The following CCDC91 variants were observed in gnomAD, a reference collection of about 807,000 sequenced individuals.
CCDC91 encodes the protein coiled-coil domain containing 91.
In CCDC91, 48 loss-of-function variants were observed where a neutral mutation model predicts 63.2. The observed-to-expected ratio is 0.76, with a 90% CI of 0.60 to 0.97. CCDC91 has a LOEUF of 0.97. Among genes scored for constraint, CCDC91 ranks in the 50% least tolerant of loss-of-function variants. CCDC91 has a pLI of 0.00. For missense variants in CCDC91, 500 were observed against 494.6 expected, an observed-to-expected ratio of 1.01 and a Z score of -0.10; for synonymous variants, 167 against 165.8, an observed-to-expected ratio of 1.01 and a Z score of -0.06.
At chr12:28,275,343 C>T (rs577084539) in intron 3 of CCDC91, among the ~76,000 whole-genome samples, 1 of 152,258 alleles carries the variant, frequency 6.6e-6, no homozygotes, top group Non-Finnish European at 1.5e-5. Flanking sequence ...TATAAAACAC[C>T]TCTATGCAAA....
At chr12:28,234,386 G>C (rs1285802650) in intron 1 of CCDC91, among the ~76,000 whole-genome samples, 1 of 152,024 alleles carries the variant, frequency 6.6e-6, no homozygotes, top group Non-Finnish European at 1.5e-5. Context: ...TTATAGTCTT[G>C]TACTTGACAG....
rs558360534 is a variant in CCDC91 at position 28,273,338 on chromosome 12, C to A, written c.109+13896C>A. 2.8e-3 allele frequency among the ~76,000 whole-genome samples: 425 copies of A among 152,240 alleles called. 1 individual carries two copies. Among genetic ancestry groups the A allele is most frequent in the Non-Finnish European group, 4.7e-3 (318 of 68,016 alleles). ...TCTTTATAGCAGCATGATTTATAATCCTTTGGGTATATACCCAGTAATGGG... is the reference window on the plus strand; with the variant it reads ...TCTTTATAGCAGCATGATTTATAATACTTTGGGTATATACCCAGTAATGGG... On this transcript the variant is annotated intron_variant, in intron 3 of 12. Transcript: ENST00000536442.
At chr12:28,466,595 C>T (rs900956945) in intron 11 of CCDC91, among the ~76,000 whole-genome samples, 5 of 151,954 alleles carry the variant, frequency 3.3e-5, no homozygotes, top group African/African-American at 1.2e-4. Context: ...AAACTTTTAC[C>T]CTAGAATAGT....
At chr12:28,445,991 A>G (rs1245190990) in intron 8 of CCDC91, among the ~76,000 whole-genome samples, 2 of 152,196 alleles carry the variant, frequency 1.3e-5, no homozygotes, top group Non-Finnish European at 2.9e-5. Context: ...GATTTATTGT[A>G]CATCCTAGCA....
At chr12:28,245,202 G>T (rs1439014663) in intron 1 of CCDC91, among the ~76,000 whole-genome samples, 1 of 152,008 alleles carries the variant, frequency 6.6e-6, no homozygotes, top group Non-Finnish European at 1.5e-5. Context: ...CAGACCCACA[G>T]TGTTTATGGG....
At chr12:28,274,144 T>C (rs1948013166) in intron 3 of CCDC91, among the ~76,000 whole-genome samples, 2 of 152,140 alleles carry the variant, frequency 1.3e-5, no homozygotes, top group Non-Finnish European at 2.9e-5. Flanking sequence ...AAAGATCGGA[T>C]AGTTGTAGAT....
At chr12:28,312,941 T>TAA (rs1177596084) in intron 6 of CCDC91, among the ~76,000 whole-genome samples, 1 of 152,042 alleles carries the variant, frequency 6.6e-6, no homozygotes, top group Non-Finnish European at 1.5e-5. Flanking sequence ...CTTTCTTTTA[T>TAA]AAGTTGCCTA....
At chr12:28,280,441 G>A (rs1321202971) in intron 3 of CCDC91, among the ~76,000 whole-genome samples, 7 of 151,956 alleles carry the variant, frequency 4.6e-5, no homozygotes, top group Admixed American at 4.6e-4. Flanking sequence ...TTTACAACAT[G>A]ACACTAGCTG....
chr12:28,237,547 T>C (rs908795399), intron 1 of CCDC91, among the ~76,000 whole-genome samples: 1 of 152,018 alleles, frequency 6.6e-6, no homozygotes, highest in African/African-American at 2.4e-5. Flanking sequence ...CCTTGAACAT[T>C]AGAGTGATGA....
rs140523275 is a variant in CCDC91, at chr12:28,332,131, A to G, written c.576+24382A>G. 5.6e-4 allele frequency among the ~76,000 whole-genome samples: 85 copies of G among 152,316 alleles called. 1 individual carries two copies. The highest frequency in any genetic ancestry group is 1.9e-3 in the African/African-American group (81 of 41,578). On this transcript the variant is annotated intron_variant, in intron 6 of 12. Transcript: ENST00000536442. Reference sequence around the variant, plus strand: ...AGGATTCTAAGTGTCTATACTTACTAGTAAATTACATGTTTCATAATTAAA... The same window carrying G: ...AGGATTCTAAGTGTCTATACTTACTGGTAAATTACATGTTTCATAATTAAA...
Position 28,433,052 on chromosome 12 carries a change from T to C in CCDC91, c.763-17109T>C, listed in dbSNP as rs1590015. ...CTGCTAAAGTCTTTTACCCATTTTT[T>C]TTTAAGTCAGGCCTTTTTTTGTTGT... On this transcript the variant is annotated intron_variant, in intron 8 of 12. Transcript: ENST00000536442. Among the ~76,000 whole-genome samples the C allele has an allele frequency of 1.2e-3, 180 of 152,178 alleles. 1 individual carries two copies. Among genetic ancestry groups the C allele is most frequent in the African/African-American group, 4.2e-3 (175 of 41,566 alleles).
intron 1 of CCDC91, among the ~76,000 whole-genome samples, chr12:28,205,672 G>A (rs923730894): frequency 6.6e-6 from 1 of 152,120 alleles, no homozygotes; most frequent in African/African-American, 2.4e-5. Context: ...TCCCTTATTT[G>A]AACACAGTTT....
intron 8 of CCDC91, among the ~76,000 whole-genome samples, chr12:28,439,335 T>C (rs1421848725): frequency 6.6e-6 from 1 of 152,182 alleles, no homozygotes; most frequent in Non-Finnish European, 1.5e-5. Context: ...GGGTGAAATG[T>C]CCGTGAATCA....
At chr12:28,241,829 C>G (rs989342062) in intron 1 of CCDC91, among the ~76,000 whole-genome samples, 4 of 151,728 alleles carry the variant, frequency 2.6e-5, no homozygotes, top group Non-Finnish European at 5.9e-5. Flanking sequence ...AACCCTGTCT[C>G]TACTAAAATT....
intron 12 of CCDC91, among the ~76,000 whole-genome samples, chr12:28,485,963 T>G (rs1951703535): frequency 6.6e-6 from 1 of 152,208 alleles, no homozygotes; most frequent in African/African-American, 2.4e-5. Flanking sequence ...CATCTCTTTT[T>G]AAAATTGTTT....
chr12:28,342,905 G>C (rs1332327800), intron 6 of CCDC91, among the ~76,000 whole-genome samples: 1 of 152,098 alleles, frequency 6.6e-6, no homozygotes, highest in African/African-American at 2.4e-5. Flanking sequence ...ATGTGAAATA[G>C]GCTGAAGTTT....
intron 6 of CCDC91, among the ~76,000 whole-genome samples, chr12:28,330,730 T>C (rs141936896): frequency 1.0e-3 from 155 of 152,318 alleles, no homozygotes; most frequent in African/African-American, 3.4e-3. Flanking sequence ...AGGTGGCTGC[T>C]AAAATATTTT....
chr12:28,307,057 G>A, intron 5 of CCDC91, 112 bp downstream of exon 5: 2 of 722,198 alleles, frequency 2.8e-6, no homozygotes, highest in South Asian at 3.8e-5. Flanking sequence ...TTCTCCCTTG[G>A]TTGTAGGTTT....
chr12:28,446,775 A>G (rs1187732303), intron 8 of CCDC91, among the ~76,000 whole-genome samples: 2 of 152,174 alleles, frequency 1.3e-5, no homozygotes, highest in East Asian at 1.9e-4. Context: ...TCAAAAAACT[A>G]TAATTCTGAT....
Sources: allele counts gnomAD v4.1 joint callset (sites outside exome capture counted in the v4.1 genomes callset), GRCh38; gene constraint gnomAD v4.1.1; transcripts MANE v1.5; gene names NCBI Gene and HGNC (gene_info 2026-07-23, HGNC 2026-07-21).